GXYLT1: variants seen among roughly 807,000 people sequenced by gnomAD.
The protein encoded by GXYLT1 is glycosyltransferase 8 domain containing 3.
In GXYLT1, 29 loss-of-function variants were observed where a neutral mutation model predicts 54.0. The ratio of observed to expected loss-of-function variants is 0.54; its 90% confidence interval spans 0.40 to 0.73. GXYLT1 has a LOEUF of 0.73. GXYLT1 is among the 30% of genes least tolerant of loss of function. The pLI, the probability that GXYLT1 is intolerant of heterozygous loss-of-function variation, is 0.00. For synonymous variants in GXYLT1, 176 were observed against 204.1 expected (o/e 0.86, Z 1.17); for missense variants, 490 against 553.4 (o/e 0.89, Z 1.15).
chr12:42,112,929 T>C (rs943173331), intron 3 of GXYLT1, among the ~76,000 whole-genome samples: 26 of 151,332 alleles, frequency 1.7e-4, no homozygotes, highest in East Asian at 1.9e-4. Flanking sequence ...TAAGGGCGGA[T>C]CTCTCGGCAG....
intron 7 of GXYLT1, 115 bp downstream of exon 7, chr12:42,097,324 TTAA>T (rs1422038236): frequency 4.5e-6 from 3 of 669,736 alleles, no homozygotes; most frequent in African/African-American, 3.8e-5. Flanking sequence ...AGGCAAAATG[TTAA>T]TAACAGATGA....
chr12:42,117,312 A>G (rs1308678755), intron 3 of GXYLT1, among the ~76,000 whole-genome samples: 1 of 152,076 alleles, frequency 6.6e-6, no homozygotes, highest in Non-Finnish European at 1.5e-5. Context: ...CCAGGTAAAG[A>G]GATCAAGATC....
intron 7 of GXYLT1, among the ~76,000 whole-genome samples, chr12:42,092,975 A>C (rs928398014): frequency 6.6e-6 from 1 of 152,248 alleles, no homozygotes; most frequent in Non-Finnish European, 1.5e-5. Flanking sequence ...CAGGTTGGAC[A>C]GGCTTGCTAT....
Position 42,144,729 on chromosome 12 carries a change from G to T in GXYLT1, c.-83C>A. 1 of 1,104,264 alleles carries T rather than the reference G, an allele frequency of 9.1e-7. No homozygotes were observed. The allele number at this position is 1,104,264 out of a possible 1,614,324, so 68.4% of individuals were successfully genotyped here. A position where few individuals can be genotyped will look rare whatever the true frequency, so the allele number is the denominator to read the frequency against. ...GCGGAGGGAGGGGCACCGCGCAGCC[G>T]CGGGCGCAACAAGTTCCTCACCCGC... On this transcript the variant is annotated 5_prime_UTR_variant, in exon 1 of 8. Coordinates refer to ENST00000398675, the MANE Select transcript of GXYLT1 (RefSeq NM_173601.2).
chr12:42,135,679 T>C (rs866880357), intron 1 of GXYLT1, among the ~76,000 whole-genome samples: 12 of 152,196 alleles, frequency 7.9e-5, no homozygotes, highest in Middle Eastern at 3.2e-3. Flanking sequence ...CCTTGAAATA[T>C]TATGCCAAAA....
intron 1 of GXYLT1, among the ~76,000 whole-genome samples, chr12:42,131,837 A>C (rs2065595495): frequency 6.6e-6 from 1 of 152,134 alleles, no homozygotes; most frequent in African/African-American, 2.4e-5. Flanking sequence ...ACCCATTTAG[A>C]CTCACTAGAA....
chr12:42,107,741 T>C (rs563732178), intron 4 of GXYLT1, among the ~76,000 whole-genome samples: 10 of 152,228 alleles, frequency 6.6e-5, no homozygotes, highest in African/African-American at 2.2e-4. Context: ...TATGTCTATC[T>C]CACTTTTTTG....
At chr12:42,132,914 T>C (rs1270840654) in intron 1 of GXYLT1, among the ~76,000 whole-genome samples, 1 of 152,170 alleles carries the variant, frequency 6.6e-6, no homozygotes, top group Non-Finnish European at 1.5e-5. Flanking sequence ...CCAAGAGCCC[T>C]ACACTTCTGC....
chr12:42,130,028 A>T (rs1050004747), intron 1 of GXYLT1, among the ~76,000 whole-genome samples, 177 bp from the exon 2 acceptor site: 25 of 152,222 alleles, frequency 1.6e-4, no homozygotes, highest in African/African-American at 5.8e-4. Flanking sequence ...TTAGGGCACC[A>T]TTATTTTAAA....
At chr12:42,122,224 C>G (rs982101490) in intron 2 of GXYLT1, among the ~76,000 whole-genome samples, 7 of 152,108 alleles carry the variant, frequency 4.6e-5, no homozygotes, top group Non-Finnish European at 1.0e-4. Flanking sequence ...TCTGAGGGTT[C>G]CCATGGTTAA....
intron 3 of GXYLT1, among the ~76,000 whole-genome samples, chr12:42,112,564 A>C (rs1312245092): frequency 1.3e-5 from 2 of 152,162 alleles, no homozygotes; most frequent in East Asian, 3.9e-4. Context: ...GAAACGAATG[A>C]AATGAAGCGA....
At position 42,113,597 on chromosome 12, in the gene GXYLT1, A is replaced by G. The variant is rs1294520355; in HGVS notation, c.487-3906T>C. 1.3e-5 allele frequency among the ~76,000 whole-genome samples: 2 copies of G among 150,980 alleles called. 1 individual carries two copies. Among genetic ancestry groups the G allele is most frequent in the African/African-American group, 5.0e-5 (2 of 40,294 alleles). ...GAAGAGCTAACTATCCTAAATATAT[A>G]TGCACCCAATACAGGAGCACCCAGA... On this transcript the variant is annotated intron_variant, in intron 3 of 7. Transcript: ENST00000398675.
intron 2 of GXYLT1, among the ~76,000 whole-genome samples, chr12:42,127,670 G>C (rs1016209200): frequency 2.0e-5 from 3 of 152,144 alleles, no homozygotes; most frequent in Non-Finnish European, 4.4e-5. Context: ...AAAAGGGTCT[G>C]GGTTGTATAA....
In GXYLT1 at chr12:42,086,939, T is replaced by G. The variant is rs2065297230; in HGVS notation, c.*847A>C. 1 of 152,144 alleles carries G rather than the reference T, an allele frequency of 6.6e-6. No individual in the cohort carries two copies. The highest frequency in any genetic ancestry group is 6.6e-5 in the Admixed American group (1 of 15,260). The allele number at this position is 152,144 out of a possible 1,614,324, so 9.4% of individuals were successfully genotyped here. On this transcript the variant is annotated 3_prime_UTR_variant, in exon 8 of 8. Transcript: ENST00000398675. ...CACCATCATGAGTATACTCTTAAGG[T>G]TCTCACTTTACCATCAGCATAATAT...
rs896049806 is a variant in GXYLT1, at chr12:42,087,634, C to T, written c.*152G>A. On this transcript the variant is annotated 3_prime_UTR_variant, in exon 8 of 8. Transcript: ENST00000398675. Reference sequence around the variant, plus strand: ...CAAGATTTTAACTTATTCTTCATTACCTGAAAATACTGCTTACTTAACTTC... The same window carrying T: ...CAAGATTTTAACTTATTCTTCATTATCTGAAAATACTGCTTACTTAACTTC... 3.6e-6 allele frequency: 2 copies of T among 559,418 alleles called. No individual in the cohort carries two copies. The highest frequency in any genetic ancestry group is 2.4e-5 in the South Asian group (1 of 42,212). 34.7% of individuals were successfully genotyped at this position (559,418 alleles called of 1,614,324 possible).
In GXYLT1 at chr12:42,087,757, C is replaced by G; in HGVS notation, c.*29G>C. 6.6e-7 allele frequency: 1 copy of G among 1,508,418 alleles called. No individual in the cohort carries two copies. Among genetic ancestry groups the G allele is most frequent in the South Asian group, 1.2e-5 (1 of 84,182 alleles). The allele number at this position is 1,508,418 out of a possible 1,614,324, so 93.4% of individuals were successfully genotyped here. A position where few individuals can be genotyped will look rare whatever the true frequency, so the allele number is the denominator to read the frequency against. ...CACTTATCTTCTGATTCTTTGTTTTCATCCATTTGATTAAGCAGTCACCAA... is the reference window on the plus strand; with the variant it reads ...CACTTATCTTCTGATTCTTTGTTTTGATCCATTTGATTAAGCAGTCACCAA... On this transcript the variant is annotated 3_prime_UTR_variant, in exon 8 of 8. Coordinates refer to ENST00000398675, the MANE Select transcript of GXYLT1 (RefSeq NM_173601.2).
At chr12:42,137,762 G>GA (rs56387868) in intron 1 of GXYLT1, among the ~76,000 whole-genome samples, 46 of 107,174 alleles carry the variant, frequency 4.3e-4, no homozygotes, top group South Asian at 1.3e-3. Context: ...ATCTCAAATT[G>GA]AAAAAAAAAA....
At chr12:42,134,092 C>CGGGA (rs1373928075) in intron 1 of GXYLT1, among the ~76,000 whole-genome samples, 1 of 146,030 alleles carries the variant, frequency 6.8e-6, no homozygotes, top group Non-Finnish European at 1.5e-5. Context: ...CCCAGTTACT[C>CGGGA]GGGAGGCTGA....
chr12:42,106,251 C>A (rs2065420563), intron 4 of GXYLT1, among the ~76,000 whole-genome samples, 182 bp from the exon 5 acceptor site: 1 of 152,098 alleles, frequency 6.6e-6, no homozygotes, highest in African/African-American at 2.4e-5. Flanking sequence ...ACTATGCTAA[C>A]CTTCATATTA....
Sources: gnomAD v4.1 joint callset for allele counts (sites outside exome capture counted in the v4.1 genomes callset) on GRCh38, gnomAD v4.1.1 for gene constraint, MANE v1.5 for transcripts, NCBI Gene and HGNC (gene_info 2026-07-23, HGNC 2026-07-21) for gene names.